The following SLIT1 variants were observed in gnomAD, a reference collection of about 807,000 sequenced individuals.
The protein encoded by SLIT1 is slit homolog 1 protein.
Under a neutral mutation model 186.1 loss-of-function variants are expected in SLIT1, and 66 were observed. The ratio of observed to expected loss-of-function variants is 0.35; its 90% CI spans 0.29 to 0.44. SLIT1 has a LOEUF of 0.44. SLIT1 is among the 20% of genes least tolerant of loss of function. The pLI is 1.00. For missense variants in SLIT1, 1,638 were observed against 2,037.4 expected, an observed-to-expected ratio of 0.80 and a Z score of 3.77; for synonymous variants, 761 against 833.8, an observed-to-expected ratio of 0.91 and a Z score of 1.50.
At chr10:97,132,846 G>A (rs1432848715) in intron 4 of SLIT1, among the ~76,000 whole-genome samples, 1 of 152,192 alleles carries the variant, frequency 6.6e-6, no homozygotes, top group Non-Finnish European at 1.5e-5. Flanking sequence ...TCCCTGCCTG[G>A]ATGGAGGCCT....
At chr10:97,102,753 T>G (rs1438659129) in intron 4 of SLIT1, 3 of 152,294 alleles carry the variant, frequency 2.0e-5, no homozygotes, top group Non-Finnish European at 4.4e-5. Context: ...CCTGCTTATA[T>G]ACAGTGTCCA....
chr10:97,083,042 G>A (rs1849121194), intron 4 of SLIT1, among the ~76,000 whole-genome samples: 1 of 152,048 alleles, frequency 6.6e-6, no homozygotes, highest in Admixed American at 6.6e-5. Context: ...GCCTCAGCCT[G>A]CAGAGTAGCT....
At chr10:97,049,336 T>A (rs1046443221) in intron 13 of SLIT1, among the ~76,000 whole-genome samples, 1 of 152,160 alleles carries the variant, frequency 6.6e-6, no homozygotes, top group Admixed American at 6.5e-5. Flanking sequence ...GTGAAGGGTC[T>A]CTGCCACCCA....
intron 1 of SLIT1, among the ~76,000 whole-genome samples, chr10:97,173,088 C>T (rs1426733018): frequency 2.0e-5 from 3 of 152,190 alleles, no homozygotes; most frequent in Non-Finnish European, 4.4e-5. Context: ...CTTCCATTCT[C>T]ATAAGTGAGC....
chr10:97,137,093 C>A (rs1229764158), intron 4 of SLIT1, among the ~76,000 whole-genome samples: 1 of 152,120 alleles, frequency 6.6e-6, no homozygotes, highest in Non-Finnish European at 1.5e-5. Context: ...CAGATTTGAC[C>A]ACAATCCTTT....
chr10:97,166,679 G>GA (rs1358852970), intron 1 of SLIT1, among the ~76,000 whole-genome samples: 2 of 151,700 alleles, frequency 1.3e-5, no homozygotes, highest in African/African-American at 4.8e-5. Flanking sequence ...AAAGAAAAAA[G>GA]AAAAAAGAAA....
At chr10:97,055,097 A>G (rs1202303751) in intron 13 of SLIT1, among the ~76,000 whole-genome samples, 18 of 152,110 alleles carry the variant, frequency 1.2e-4, no homozygotes, top group African/African-American at 3.9e-4. Context: ...GGCGCCTGTA[A>G]TCCCAGCTAC....
At position 97,142,024 on chromosome 10, in the gene SLIT1, A is replaced by T. The variant is rs558488780; in HGVS notation, c.413+15794T>A. ...GATCTCTGGTCCTTGGCTGGTCTCT[A>T]ACTCCTGGACTCAAGCAATCCTCCC... On this transcript the variant is annotated intron_variant, in intron 4 of 36. Coordinates refer to ENST00000266058, the MANE Select transcript of SLIT1 (RefSeq NM_003061.3). Among the ~76,000 whole-genome samples the T allele has an allele frequency of 2.6e-5, 4 of 152,126 alleles. No homozygotes were observed. The South Asian group carries it at 8.3e-4, about 32-fold the overall frequency.
chr10:97,179,804 C>CT (rs1183277776), intron 1 of SLIT1, among the ~76,000 whole-genome samples: 9 of 149,266 alleles, frequency 6.0e-5, no homozygotes, highest in Non-Finnish European at 7.5e-5. Flanking sequence ...ACACCCTCCC[C>CT]GCCCCCCGGC....
chr10:97,138,516 G>A (rs1360343418), intron 4 of SLIT1, among the ~76,000 whole-genome samples: 3 of 152,246 alleles, frequency 2.0e-5, no homozygotes, highest in African/African-American at 7.2e-5. Flanking sequence ...CCAGCTGGCT[G>A]GGAAAGATGC....
chr10:97,060,118 C>T lies in SLIT1; in HGVS notation c.982G>A (p.Ala328Thr). The T allele has an allele frequency of 6.2e-7, 1 of 1,614,144 alleles. No individual in the cohort carries two copies. The highest frequency in any genetic ancestry group is 1.1e-5 in the South Asian group (1 of 91,088). ...LNGIKSIPPG[A>T]FSPYRKLRRI... ...CGTAGCTTTCTGTAGGGTGAGAAGG[C>T]TCCAGGAGGGATGGACTTGATGCCG... The change falls in exon 10 of 37, where the codon GCC becomes ACC. Residue 328 changes from alanine (A) to threonine (T), a missense_variant. Ala to Thr is a moderately conservative substitution (Grantham distance 58). Coordinates refer to ENST00000266058, the MANE Select transcript of SLIT1 (RefSeq NM_003061.3).
At chr10:97,011,908 G>A (rs1289297309) in intron 30 of SLIT1, among the ~76,000 whole-genome samples, 1 of 152,080 alleles carries the variant, frequency 6.6e-6, no homozygotes, top group East Asian at 1.9e-4. Flanking sequence ...GAAGCCTCTG[G>A]AGAGCACTCC....
At chr10:97,003,565 G>C (rs941808165) in intron 34 of SLIT1, among the ~76,000 whole-genome samples, 2 of 152,176 alleles carry the variant, frequency 1.3e-5, no homozygotes, top group African/African-American at 4.8e-5. Flanking sequence ...GGTGGAGATG[G>C]CCCCACTGCA....
chr10:97,011,209 C>A (rs1389705770), intron 30 of SLIT1, 79 bp from the exon 31 acceptor site: 2 of 975,552 alleles, frequency 2.1e-6, no homozygotes, highest in South Asian at 1.4e-5. Context: ...CCAGGGATCC[C>A]CCACACAGTC....
Position 97,101,772 on chromosome 10 carries a change from G to A in SLIT1, c.414-35686C>T, listed in dbSNP as rs185677803. Among the ~76,000 whole-genome samples the A allele has an allele frequency of 2.0e-3, 307 of 152,312 alleles. 1 individual carries two copies. The highest frequency in any genetic ancestry group is 3.5e-3 in the Non-Finnish European group (239 of 68,020). On this transcript the variant is annotated intron_variant, in intron 4 of 36. Transcript: ENST00000266058. ...GCAGCACCAGCCCTGCTCTGGGGGT[G>A]GATATGAGTTTGCATGTCTGGTGTG...
At chr10:97,146,268 T>C in intron 4 of SLIT1, among the ~76,000 whole-genome samples, 1 of 152,158 alleles carries the variant, frequency 6.6e-6, no homozygotes, top group East Asian at 1.9e-4. Context: ...GGCTAAAAAT[T>C]ACAAATACAA....
At chr10:97,001,441 G>GGCA in intron 36 of SLIT1, 91 bp from the exon 37 acceptor site, 1 of 958,410 alleles carries the variant, frequency 1.0e-6, no homozygotes, top group Non-Finnish European at 1.6e-6. Flanking sequence ...GGAGGAGGAG[G>GGCA]GCAGCATCTG....
rs150434434 is a variant in SLIT1, at chr10:97,013,884, C to G, written c.3110-50G>C. ...AGGAGAGAAGCTGCTCTCCTGTGCT[C>G]TGCCGGGCAGCCAGACCCACAGAAA... On this transcript the variant is annotated intron_variant, in intron 29 of 36. Coordinates refer to ENST00000266058, the MANE Select transcript of SLIT1 (RefSeq NM_003061.3). The G allele has an allele frequency of 5.0e-5, 77 of 1,540,330 alleles. No individual in the cohort carries two copies. The Middle Eastern group carries it at 5.3e-4, about 11-fold the overall frequency.
chr10:97,001,234 G>A lies in SLIT1; in HGVS notation c.4483C>T (p.Gln1495Ter). ...AGCCGAAGGCCCTGGCAGCAGCCCT[G>A]GCCTGGGCACGAGCCCCGGCACTCC... ...WVECRGSCPGQGCCQGLRLKR... is the reference protein window; with the variant it reads ...WVECRGSCPG The change falls in exon 37 of 37, where the codon CAG becomes TAG. Residue 1495 changes from glutamine to a stop codon, truncating the protein, a stop_gained. Transcript: ENST00000266058. LOFTEE classifies it high-confidence loss of function. The A allele has an allele frequency of 6.2e-7, 1 of 1,613,164 alleles. No homozygotes were observed. Among genetic ancestry groups the A allele is most frequent in the Non-Finnish European group, 8.5e-7 (1 of 1,179,930 alleles).
Sources: gnomAD v4.1 joint callset for allele counts (sites outside exome capture counted in the v4.1 genomes callset) on GRCh38, gnomAD v4.1.1 for gene constraint, MANE v1.5 for transcripts, NCBI Gene and HGNC (gene_info 2026-07-23, HGNC 2026-07-21) for gene names.